Variants in SNX24 observed in about 807,000 individuals in gnomAD.
SNX24 encodes sorting nexin-24.
In SNX24, 22 loss-of-function variants were observed where a neutral mutation model predicts 28.7. The ratio of observed to expected loss-of-function variants is 0.77; its 90% confidence interval spans 0.55 to 1.10. The LOEUF (loss-of-function observed/expected upper bound fraction) is 1.10. Among genes scored for constraint, SNX24 ranks in the 50% least tolerant of loss-of-function variants. The pLI is 0.00. For synonymous variants in SNX24, 69 were observed against 71.5 expected (o/e 0.96, Z 0.18); for missense variants, 221 against 201.1 (o/e 1.10, Z -0.60).
chr5:122,860,161 G>T (rs538433007), intron 1 of SNX24, among the ~76,000 whole-genome samples: 36 of 152,244 alleles, frequency 2.4e-4, no homozygotes, highest in Non-Finnish European at 4.9e-4. Context: ...GTCAAAACAT[G>T]GCAAAGAAAC....
chr5:122,889,555 C>G (rs984553486), intron 1 of SNX24, among the ~76,000 whole-genome samples: 1 of 150,934 alleles, frequency 6.6e-6, no homozygotes, highest in Non-Finnish European at 1.5e-5. Flanking sequence ...CCCTTTTTGT[C>G]TCAGGCATTT....
chr5:122,884,657 A>G (rs1383404435), intron 1 of SNX24, among the ~76,000 whole-genome samples: 2 of 152,224 alleles, frequency 1.3e-5, no homozygotes, highest in Non-Finnish European at 2.9e-5. Context: ...ATAATAGAGA[A>G]TAAGCAATAG....
chr5:122,925,669 C>T (rs898294494), intron 1 of SNX24, among the ~76,000 whole-genome samples: 1 of 152,162 alleles, frequency 6.6e-6, no homozygotes, highest in African/African-American at 2.4e-5. Context: ...CAGTCTGCCT[C>T]TATTATGTCT....
At chr5:122,976,293 TAAA>T (rs5871019) in intron 3 of SNX24, among the ~76,000 whole-genome samples, 5 of 134,750 alleles carry the variant, frequency 3.7e-5, no homozygotes, top group Admixed American at 7.5e-5. Flanking sequence ...ACTCAGTCAT[TAAA>T]AAAAAAAAAA....
intron 3 of SNX24, among the ~76,000 whole-genome samples, chr5:122,988,483 C>T (rs1021916646): frequency 4.6e-5 from 7 of 152,100 alleles, no homozygotes; most frequent in Non-Finnish European, 1.0e-4. Flanking sequence ...TTGCTATCCC[C>T]CTTTAATTGC....
At chr5:122,957,658 A>C (rs541970026) in intron 3 of SNX24, among the ~76,000 whole-genome samples, 3 of 152,226 alleles carry the variant, frequency 2.0e-5, no homozygotes, top group African/African-American at 7.2e-5. Flanking sequence ...ATCCATGAAC[A>C]TGGGATATCT....
At chr5:122,908,951 G>A (rs892044571) in intron 1 of SNX24, among the ~76,000 whole-genome samples, 6 of 152,182 alleles carry the variant, frequency 3.9e-5, no homozygotes, top group African/African-American at 1.4e-4. Context: ...ACTTGAGCGG[G>A]GAGTGAAGCG....
chr5:122,921,713 G>C (rs1000159655), intron 1 of SNX24, among the ~76,000 whole-genome samples: 1 of 152,054 alleles, frequency 6.6e-6, no homozygotes, highest in African/African-American at 2.4e-5. Flanking sequence ...TCCGGCTCTT[G>C]AGAATGGCAT....
intron 1 of SNX24, among the ~76,000 whole-genome samples, chr5:122,886,112 T>G (rs1157072630): frequency 7.9e-5 from 12 of 152,012 alleles, no homozygotes; most frequent in Non-Finnish European, 1.5e-5. Context: ...TGCCAGGAGT[T>G]TAGTGGTAGG....
intron 1 of SNX24, among the ~76,000 whole-genome samples, chr5:122,894,763 G>A (rs1475233437): frequency 6.6e-6 from 1 of 152,192 alleles, no homozygotes; most frequent in Non-Finnish European, 1.5e-5. Flanking sequence ...GAAAAGTGGC[G>A]CAGTACCTAG....
At chr5:122,992,156 G>A (rs1250319450) in intron 3 of SNX24, among the ~76,000 whole-genome samples, 1 of 152,142 alleles carries the variant, frequency 6.6e-6, no homozygotes, top group Non-Finnish European at 1.5e-5. Flanking sequence ...AATATGAAAT[G>A]AAACATATAG....
Position 122,967,709 on chromosome 5 carries a change from A to G in SNX24, c.249+21550A>G, listed in dbSNP as rs527896408. ...ACCAGGGGCCTGACTTGTTCATTAG[A>G]GCCCACTGCGATTTGTGGGGCCTGA... On this transcript the variant is annotated intron_variant, in intron 3 of 6. Transcript: ENST00000261369. 1.5e-4 allele frequency among the ~76,000 whole-genome samples: 23 copies of G among 152,328 alleles called. No individual in the cohort carries two copies. The South Asian group carries it at 4.8e-3, about 32-fold the overall frequency.
At chr5:122,850,240 G>T (rs115862999) in intron 1 of SNX24, among the ~76,000 whole-genome samples, 2 of 152,208 alleles carry the variant, frequency 1.3e-5, no homozygotes, top group East Asian at 1.9e-4. Context: ...AGCAGATTCA[G>T]TGTCTAGCGA....
At chr5:122,885,574 T>G (rs1250118837) in intron 1 of SNX24, among the ~76,000 whole-genome samples, 3 of 48,874 alleles carry the variant, frequency 6.1e-5, no homozygotes, top group Non-Finnish European at 1.1e-4. Context: ...TTGGGGTCAT[T>G]TCTAAGGAAT....
intron 1 of SNX24, among the ~76,000 whole-genome samples, chr5:122,888,471 T>C (rs561436873): frequency 6.6e-6 from 1 of 152,238 alleles, no homozygotes; most frequent in Non-Finnish European, 1.5e-5. Flanking sequence ...ATAATGATAG[T>C]ATCTAAAACT....
At chr5:122,907,390 C>A (rs1419852331) in intron 1 of SNX24, among the ~76,000 whole-genome samples, 1 of 152,134 alleles carries the variant, frequency 6.6e-6, no homozygotes, top group East Asian at 1.9e-4. Context: ...GGGGAACACT[C>A]CCTCCTCAAG....
At chr5:122,854,831 A>G (rs1307940578) in intron 1 of SNX24, among the ~76,000 whole-genome samples, 4 of 152,160 alleles carry the variant, frequency 2.6e-5, no homozygotes, top group Non-Finnish European at 4.4e-5. Flanking sequence ...AAGTCACACT[A>G]ATTTTTTGGT....
chr5:122,994,282 C>G (rs79351229), intron 3 of SNX24, among the ~76,000 whole-genome samples: 1 of 152,094 alleles, frequency 6.6e-6, no homozygotes, highest in Non-Finnish European at 1.5e-5. Flanking sequence ...CGTTTATGCT[C>G]GCCTTAGTGA....
At chr5:122,939,495 G>C (rs1413982941) in intron 2 of SNX24, among the ~76,000 whole-genome samples, 2 of 152,110 alleles carry the variant, frequency 1.3e-5, no homozygotes, top group Admixed American at 1.3e-4. Context: ...TTTTTAACAA[G>C]GGCCTTTTAA....
Sources: gnomAD v4.1 joint callset for allele counts (sites outside exome capture counted in the v4.1 genomes callset) on GRCh38, gnomAD v4.1.1 for gene constraint, MANE v1.5 for transcripts, NCBI Gene and HGNC (gene_info 2026-07-23, HGNC 2026-07-21) for gene names.